The following STXBP6 variants were observed in gnomAD, a reference collection of about 807,000 sequenced individuals.
STXBP6 encodes the protein syntaxin binding protein 6.
In STXBP6, 21 loss-of-function variants were observed where a neutral mutation model predicts 26.9. That is an observed-to-expected ratio of 0.78 (90% CI 0.55 to 1.12). STXBP6 has a LOEUF of 1.12. STXBP6 is among the 50% of genes most tolerant of loss of function. The pLI is 0.00. For missense variants in STXBP6, 232 were observed against 257.9 expected (o/e 0.90, Z 0.69); for synonymous variants, 97 against 92.6 (o/e 1.05, Z -0.27).
chr14:24,881,752 G>C (rs1398883141), intron 2 of STXBP6, among the ~76,000 whole-genome samples: 1 of 152,198 alleles, frequency 6.6e-6, no homozygotes, highest in African/African-American at 2.4e-5. Context: ...ACAATGTTAA[G>C]AGTAGGCCTA....
chr14:24,959,153 G>A (rs570242970), intron 2 of STXBP6, among the ~76,000 whole-genome samples: 3 of 152,294 alleles, frequency 2.0e-5, no homozygotes, highest in South Asian at 2.1e-4. Context: ...TCTCTTCAAG[G>A]GAAGGGGTTT....
At chr14:24,863,471 C>A (rs2069615402) in intron 2 of STXBP6, among the ~76,000 whole-genome samples, 1 of 152,008 alleles carries the variant, frequency 6.6e-6, no homozygotes, top group Admixed American at 6.6e-5. Flanking sequence ...AAAATTCAGC[C>A]ACAGTTTTAA....
intron 1 of STXBP6, among the ~76,000 whole-genome samples, chr14:25,032,504 T>C (rs1481436148): frequency 6.6e-6 from 1 of 152,234 alleles, no homozygotes; most frequent in African/African-American, 2.4e-5. Context: ...AATCACTTTA[T>C]GGAAGGATCG....
chr14:24,822,925 G>A (rs1378493520), intron 4 of STXBP6, among the ~76,000 whole-genome samples: 2 of 152,160 alleles, frequency 1.3e-5, no homozygotes, highest in Non-Finnish European at 2.9e-5. Flanking sequence ...TAACTCAAAA[G>A]TTGGGACTCA....
intron 2 of STXBP6, among the ~76,000 whole-genome samples, chr14:24,898,547 TGCGCCTATAGTCCCA>T (rs1038256738): frequency 1.3e-5 from 2 of 151,976 alleles, no homozygotes. Context: ...CGTGGTGGCA[TGCGCCTATAGTCCCA>T]GCTACTCGAG....
intron 2 of STXBP6, among the ~76,000 whole-genome samples, chr14:24,973,320 A>T (rs541396582): frequency 4.6e-5 from 7 of 152,174 alleles, no homozygotes; most frequent in African/African-American, 1.7e-4. Context: ...TTTGGAATAA[A>T]CAGAAACCAA....
At chr14:24,959,257 A>C (rs534901968) in intron 2 of STXBP6, among the ~76,000 whole-genome samples, 1 of 152,340 alleles carries the variant, frequency 6.6e-6, no homozygotes, top group Admixed American at 6.5e-5. Context: ...TGTTTTTAAT[A>C]GTCTTGGTAA....
chr14:25,010,488 T>C (rs1225999259), intron 1 of STXBP6: 1 of 152,270 alleles, frequency 6.6e-6, no homozygotes, highest in Non-Finnish European at 1.5e-5. Flanking sequence ...ACAAATGTTT[T>C]GTATTTAAAA....
At chr14:25,044,191 A>AG (rs2075688846) in intron 1 of STXBP6, among the ~76,000 whole-genome samples, 1 of 151,656 alleles carries the variant, frequency 6.6e-6, no homozygotes, top group East Asian at 1.9e-4. Flanking sequence ...AAAAAAAAAA[A>AG]AAAGGAATAC....
At chr14:24,951,485 C>CT (rs1320463676) in intron 2 of STXBP6, among the ~76,000 whole-genome samples, 2 of 152,126 alleles carry the variant, frequency 1.3e-5, no homozygotes, top group Non-Finnish European at 2.9e-5. Context: ...TGATGATGAG[C>CT]TTTTTTTCAT....
chr14:25,033,513 C>T (rs2075497851), intron 1 of STXBP6, among the ~76,000 whole-genome samples: 1 of 152,158 alleles, frequency 6.6e-6, no homozygotes, highest in African/African-American at 2.4e-5. Flanking sequence ...TTCTCATACC[C>T]ATTATCCTCC....
intron 1 of STXBP6, among the ~76,000 whole-genome samples, chr14:25,037,998 C>T (rs1482145638): frequency 6.6e-6 from 1 of 152,134 alleles, no homozygotes; most frequent in Non-Finnish European, 1.5e-5. Context: ...ACAGGTAACC[C>T]CCATGACTAC....
At chr14:25,002,607 C>A (rs2074790844) in intron 1 of STXBP6, among the ~76,000 whole-genome samples, 1 of 151,956 alleles carries the variant, frequency 6.6e-6, no homozygotes, top group African/African-American at 2.4e-5. Flanking sequence ...GATCCATGTG[C>A]CTCGGCCTCT....
At chr14:24,962,974 T>TA (rs1189377341) in intron 2 of STXBP6, among the ~76,000 whole-genome samples, 6 of 151,844 alleles carry the variant, frequency 4.0e-5, no homozygotes, top group Non-Finnish European at 8.8e-5. Flanking sequence ...AATAAGTGTA[T>TA]AAAAAATAAA....
intron 2 of STXBP6, among the ~76,000 whole-genome samples, chr14:24,973,379 CTTTTTTTTTTTTT>C (rs1057437135): frequency 1.3e-5 from 1 of 76,810 alleles, no homozygotes; most frequent in Non-Finnish European, 2.2e-5. Flanking sequence ...AGCTTTCTTC[CTTTTTTTTTTTTT>C]TTTTTTTTTT....
intron 1 of STXBP6, among the ~76,000 whole-genome samples, chr14:24,999,194 A>G (rs1213137762): frequency 6.6e-6 from 1 of 152,168 alleles, no homozygotes; most frequent in Non-Finnish European, 1.5e-5. Context: ...GTCTGTGTAC[A>G]TTCCTCACTA....
chr14:24,990,926 G>C (rs938389066), intron 1 of STXBP6, among the ~76,000 whole-genome samples: 1 of 151,502 alleles, frequency 6.6e-6, no homozygotes, highest in Admixed American at 6.6e-5. Context: ...GAGGATGGAG[G>C]AGAGAGCAGA....
chr14:24,952,173 CTT>C (rs2073191883), intron 2 of STXBP6, among the ~76,000 whole-genome samples: 1 of 151,240 alleles, frequency 6.6e-6, no homozygotes, highest in African/African-American at 2.4e-5. Flanking sequence ...ATATTATTCT[CTT>C]TACTGTTACA....
At chr14:24,911,571 C>G (rs549426878) in intron 2 of STXBP6, among the ~76,000 whole-genome samples, 1 of 152,260 alleles carries the variant, frequency 6.6e-6, no homozygotes, top group East Asian at 1.9e-4. Flanking sequence ...TTGGAAAGCA[C>G]CTTGGCAGTC....
Sources: gnomAD v4.1 joint callset for allele counts (sites outside exome capture counted in the v4.1 genomes callset) on GRCh38, gnomAD v4.1.1 for gene constraint, MANE v1.5 for transcripts, NCBI Gene and HGNC (gene_info 2026-07-23, HGNC 2026-07-21) for gene names.